Variants in PLPPR1 observed in about 807,000 individuals in gnomAD.
The protein encoded by PLPPR1 is phospholipid phosphatase-related protein type 1.
A neutral mutation model predicts 33.1 loss-of-function variants in PLPPR1; 10 were observed. The observed-to-expected ratio is 0.30, with a 90% CI of 0.19 to 0.51. The LOEUF is 0.51. Among genes scored for constraint, PLPPR1 ranks in the 20% least tolerant of loss-of-function variants. The pLI is 0.97. For synonymous variants in PLPPR1, 151 were observed against 151.0 expected (o/e 1.00, Z 0.00); for missense variants, 304 against 408.1 (o/e 0.74, Z 2.20).
intron 2 of PLPPR1, among the ~76,000 whole-genome samples, chr9:101,214,349 C>G (rs978908778): frequency 1.3e-5 from 2 of 152,150 alleles, no homozygotes. Context: ...AGCACATACC[C>G]AGCACTTTGT....
intron 2 of PLPPR1, among the ~76,000 whole-genome samples, chr9:101,265,550 C>T (rs1465230550): frequency 6.6e-6 from 1 of 152,196 alleles, no homozygotes; most frequent in Non-Finnish European, 1.5e-5. Flanking sequence ...AGTGATAAAT[C>T]ATATCTCAGG....
chr9:101,073,257 G>A (rs1830501503), intron 1 of PLPPR1, among the ~76,000 whole-genome samples: 1 of 152,118 alleles, frequency 6.6e-6, no homozygotes, highest in Non-Finnish European at 1.5e-5. Flanking sequence ...GTTGAAATTT[G>A]TTTTGCAGCC....
At chr9:101,238,335 C>T (rs1453718661) in intron 2 of PLPPR1, among the ~76,000 whole-genome samples, 1 of 107,256 alleles carries the variant, frequency 9.3e-6, no homozygotes, top group Non-Finnish European at 1.8e-5. Flanking sequence ...ATATATACCT[C>T]TCTATATATA....
intron 6 of PLPPR1, among the ~76,000 whole-genome samples, chr9:101,316,081 C>A (rs888341668): frequency 6.6e-6 from 1 of 152,148 alleles, no homozygotes; most frequent in Non-Finnish European, 1.5e-5. Flanking sequence ...CAATAACCAG[C>A]AGAGGGACCT....
At chr9:101,321,746 T>C (rs926090329) in intron 7 of PLPPR1, among the ~76,000 whole-genome samples, 1 of 148,312 alleles carries the variant, frequency 6.7e-6, no homozygotes, top group Non-Finnish European at 1.5e-5. Context: ...TATAATTATA[T>C]AAAATATATA....
intron 4 of PLPPR1, among the ~76,000 whole-genome samples, chr9:101,307,135 A>G (rs1215537891): frequency 2.6e-5 from 4 of 152,224 alleles, no homozygotes; most frequent in African/African-American, 9.6e-5. Flanking sequence ...AAACAGACAC[A>G]ATCCACAGAA....
chr9:101,303,284 G>GT (rs558602957), intron 4 of PLPPR1, among the ~76,000 whole-genome samples: 133 of 150,460 alleles, frequency 8.8e-4, no homozygotes, highest in African/African-American at 3.1e-3. Context: ...CTGCCCACAG[G>GT]TTTTTTTGTT....
At chr9:101,260,377 A>G (rs371276607) in intron 2 of PLPPR1, among the ~76,000 whole-genome samples, 2 of 152,270 alleles carry the variant, frequency 1.3e-5, no homozygotes, top group South Asian at 2.1e-4. Flanking sequence ...AGGCAGCAAA[A>G]GCAGGTTGGA....
intron 2 of PLPPR1, among the ~76,000 whole-genome samples, chr9:101,201,513 T>A (rs1826491729): frequency 6.6e-6 from 1 of 152,200 alleles, no homozygotes; most frequent in Non-Finnish European, 1.5e-5. Flanking sequence ...AAAATATCTG[T>A]GTGACCTTCA....
chr9:101,228,489 G>A (rs1014887556), intron 2 of PLPPR1, among the ~76,000 whole-genome samples: 14 of 152,234 alleles, frequency 9.2e-5, no homozygotes, highest in South Asian at 2.1e-4. Flanking sequence ...ACTTAAAAGC[G>A]CGGTGTAAAA....
intron 5 of PLPPR1, among the ~76,000 whole-genome samples, chr9:101,311,217 A>G (rs1828949053): frequency 6.6e-6 from 1 of 152,248 alleles, no homozygotes; most frequent in African/African-American, 2.4e-5. Context: ...TTCTTTGGGC[A>G]AGAAAGAAGT....
chr9:101,317,403 A>T lies in PLPPR1; in HGVS notation c.852A>T (p.Gly284=), dbSNP rs553346012. 2.5e-6 allele frequency: 4 copies of T among 1,614,076 alleles called. No individual in the cohort carries two copies. In the African/African-American group the frequency reaches 5.3e-5, roughly 22 times the overall value. The change falls in exon 7 of 8, where the codon GGA becomes GGT. Residue 284 remains glycine, a synonymous_variant. Coordinates refer to ENST00000374874, the MANE Select transcript of PLPPR1 (RefSeq NM_207299.2). ...CVVHNFKGTQ[G]SPSKPKPEDP... is the part of the protein sequence containing the mutation. Reference sequence around the variant, plus strand: ...TTCATAACTTTAAAGGAACGCAAGGATCTCCTTCCAAACCCAAGCCTGAGG... The same window carrying T: ...TTCATAACTTTAAAGGAACGCAAGGTTCTCCTTCCAAACCCAAGCCTGAGG...
At position 101,317,460 on chromosome 9, in the gene PLPPR1, A is replaced by C. The variant is rs1829079451; in HGVS notation, c.909A>C (p.Pro303=). The change falls in exon 7 of 8, where the codon CCA becomes CCC. Residue 303 remains proline (P), a synonymous_variant. Transcript: ENST00000374874. ...DPRGVPLMAF[P]RIESPLETLS... ...GTGGAGTACCCCTAATGGCTTTCCC[A>C]AGGATAGAAAGCCCTCTGGAAACCT... 1.9e-6 allele frequency: 3 copies of C among 1,613,900 alleles called. No homozygotes were observed. Among genetic ancestry groups the C allele is most frequent in the South Asian group, 2.2e-5 (2 of 91,072 alleles).
intron 2 of PLPPR1, among the ~76,000 whole-genome samples, chr9:101,230,289 T>G (rs1399337091): frequency 6.6e-6 from 1 of 152,148 alleles, no homozygotes; most frequent in Non-Finnish European, 1.5e-5. Context: ...TTCATTCCAC[T>G]GAACAAGGAT....
chr9:101,109,054 A>G (rs560880554), intron 1 of PLPPR1, among the ~76,000 whole-genome samples: 2,603 of 145,254 alleles, frequency 0.018, 42 homozygotes, highest in African/African-American at 0.046. Context: ...CGCCTTCCGG[A>G]TTGACGCCAT....
chr9:101,235,196 G>C (rs1004616168), intron 2 of PLPPR1, among the ~76,000 whole-genome samples: 4 of 151,742 alleles, frequency 2.6e-5, no homozygotes, highest in Non-Finnish European at 5.9e-5. Context: ...TTCCACATTT[G>C]CATATTTTAC....
In PLPPR1 at chr9:101,270,198, A is replaced by G. The variant is rs554520490; in HGVS notation, c.252+130A>G. 4.5e-6 allele frequency: 4 copies of G among 894,606 alleles called. No homozygotes were observed. The African/African-American group carries it at 5.0e-5, about 11-fold the overall frequency. The allele number at this position is 894,606 out of a possible 1,614,324, so 55.4% of individuals were successfully genotyped here. A position where few individuals can be genotyped will look rare whatever the true frequency, so the allele number is the denominator to read the frequency against. ...TTATCAGTGGCATCCTATTTCAGCC[A>G]AAACAGAGTGAATGGAGCTCTGCAG... On this transcript the variant is annotated intron_variant, in intron 3 of 7. Transcript: ENST00000374874.
chr9:101,323,191 A>G (rs955320355), intron 7 of PLPPR1, among the ~76,000 whole-genome samples: 2 of 152,178 alleles, frequency 1.3e-5, no homozygotes, highest in African/African-American at 2.4e-5. Flanking sequence ...AGAATTATAT[A>G]GAGAATAAGT....
chr9:101,112,754 G>A (rs1831072078), intron 1 of PLPPR1, among the ~76,000 whole-genome samples: 1 of 152,196 alleles, frequency 6.6e-6, no homozygotes, highest in Admixed American at 6.5e-5. Context: ...GCTGGCAGCT[G>A]TCTAACTGTG....
Sources: gnomAD v4.1 joint callset for allele counts (sites outside exome capture counted in the v4.1 genomes callset) on GRCh38, gnomAD v4.1.1 for gene constraint, MANE v1.5 for transcripts, NCBI Gene and HGNC (gene_info 2026-07-23, HGNC 2026-07-21) for gene names.